The following RNF144A variants were observed in gnomAD, a reference collection of about 807,000 sequenced individuals.
RNF144A encodes the protein ring finger protein 144A, also known as E3 ubiquitin-protein ligase RNF144A.
RNF144A carries 11 observed loss-of-function variants against 38.7 expected under a neutral mutation model. That is an observed-to-expected ratio of 0.28 (90% CI 0.18 to 0.47). The LOEUF (loss-of-function observed/expected upper bound fraction) is 0.47, where lower values mean the gene tolerates loss of function less well. Ranked by LOEUF, RNF144A falls within the 20% of genes least tolerant of loss-of-function variation. RNF144A has a pLI of 0.99. For missense variants in RNF144A, 316 were observed against 377.2 expected, an observed-to-expected ratio of 0.84 and a Z score of 1.34; for synonymous variants, 149 against 143.9, an observed-to-expected ratio of 1.04 and a Z score of -0.25.
intron 3 of RNF144A, among the ~76,000 whole-genome samples, chr2:7,001,753 G>A (rs1444978892): frequency 6.6e-6 from 1 of 152,184 alleles, no homozygotes; most frequent in African/African-American, 2.4e-5. Flanking sequence ...TAATAAAAGT[G>A]ACTCTTAGTG....
At chr2:7,056,254 T>C (rs1420783394) in intron 6 of RNF144A, among the ~76,000 whole-genome samples, 1 of 152,174 alleles carries the variant, frequency 6.6e-6, no homozygotes, top group Non-Finnish European at 1.5e-5. Flanking sequence ...TTCGAAGGTC[T>C]CTCTATGCCA....
At chr2:7,062,697 A>C (rs982908820) in intron 6 of RNF144A, 2 of 152,194 alleles carry the variant, frequency 1.3e-5, no homozygotes, top group African/African-American at 4.8e-5. Flanking sequence ...CAGAGGAAAG[A>C]AAGCAGAGAC....
chr2:7,040,827 A>G lies in RNF144A; in HGVS notation c.*1067A>G. 2 of 985,458 alleles carry G rather than the reference A, an allele frequency of 2.0e-6. No homozygotes were observed. Among genetic ancestry groups the G allele is most frequent in the South Asian group, 4.7e-5 (1 of 21,288 alleles). The allele number at this position is 985,458 out of a possible 1,614,324, so 61.0% of individuals were successfully genotyped here. On this transcript the variant is annotated 3_prime_UTR_variant, in exon 9 of 9. Coordinates refer to ENST00000320892, the MANE Select transcript of RNF144A (RefSeq NM_014746.6). ...AATGTTCTAGTCATTTTGAGAAATC[A>G]TATATCTTACACAGTTCCAAGTCCT...
intron 3 of RNF144A, among the ~76,000 whole-genome samples, chr2:7,013,487 T>C (rs1246657187): frequency 6.6e-6 from 1 of 152,262 alleles, no homozygotes; most frequent in East Asian, 1.9e-4. Context: ...TGTAATATTA[T>C]ATATTGTTGC....
rs957626414 is a variant in RNF144A at position 7,027,724 on chromosome 2, A to G, written c.658-2402A>G. ...GAGTTCAATGGAACTTTTCTGAACA[A>G]TAGGAGGAAAGTATTCCCTATCACA... On this transcript the variant is annotated intron_variant, in intron 7 of 8. Coordinates refer to ENST00000320892, the MANE Select transcript of RNF144A (RefSeq NM_014746.6). Among the ~76,000 whole-genome samples the G allele has an allele frequency of 3.9e-5, 6 of 152,212 alleles. No individual in the cohort carries two copies. The East Asian group carries it at 1.2e-3, about 29-fold the overall frequency.
At chr2:6,942,127 G>A (rs917352359) in intron 2 of RNF144A, among the ~76,000 whole-genome samples, 1 of 152,238 alleles carries the variant, frequency 6.6e-6, no homozygotes. Flanking sequence ...AGATGGCAGA[G>A]GACAAGGCTA....
intron 3 of RNF144A, among the ~76,000 whole-genome samples, chr2:7,012,743 A>G (rs1463161092): frequency 1.3e-5 from 2 of 152,210 alleles, no homozygotes; most frequent in African/African-American, 2.4e-5. Context: ...AAGTCTTTGC[A>G]TTGGTTTTAA....
In RNF144A at chr2:7,039,834, C is replaced by T; in HGVS notation, c.*74C>T. The T allele has an allele frequency of 6.4e-7, 1 of 1,568,538 alleles. No individual in the cohort carries two copies. The highest frequency in any genetic ancestry group is 8.7e-7 in the Non-Finnish European group (1 of 1,155,396). ...TCCCCCAACCCTCCCCACCGTCCCC[C>T]CTTCACTAAACATCTTTCTTGCCTT... On this transcript the variant is annotated 3_prime_UTR_variant, in exon 9 of 9. Coordinates refer to ENST00000320892, the MANE Select transcript of RNF144A (RefSeq NM_014746.6).
intron 3 of RNF144A, among the ~76,000 whole-genome samples, chr2:7,012,643 G>A (rs187678703): frequency 7.9e-5 from 12 of 152,324 alleles, no homozygotes; most frequent in Non-Finnish European, 1.0e-4. Context: ...ACACGTCTGC[G>A]GATGGTTCCC....
intron 5 of RNF144A, among the ~76,000 whole-genome samples, chr2:7,019,997 C>T (rs1475239092): frequency 1.3e-5 from 2 of 152,232 alleles, no homozygotes; most frequent in African/African-American, 2.4e-5. Flanking sequence ...GGTCTTCTAG[C>T]AGCATTTTCC....
chr2:7,024,100 C>T (rs76942862), intron 6 of RNF144A, among the ~76,000 whole-genome samples: 3,197 of 152,274 alleles, frequency 0.021, 120 homozygotes, highest in African/African-American at 0.074. Context: ...TGTTTGTATA[C>T]ATATATCTCT....
At chr2:6,938,292 G>A (rs1665732248) in intron 1 of RNF144A, among the ~76,000 whole-genome samples, 1 of 128,280 alleles carries the variant, frequency 7.8e-6, no homozygotes, top group Non-Finnish European at 1.6e-5. Flanking sequence ...TTGTTGCCCA[G>A]GCTGGAGTGC....
At chr2:7,008,318 G>T (rs966806856) in intron 3 of RNF144A, among the ~76,000 whole-genome samples, 4 of 152,224 alleles carry the variant, frequency 2.6e-5, no homozygotes, top group Admixed American at 1.3e-4. Flanking sequence ...TTTGTAGACC[G>T]CAGTGTAGCT....
At chr2:6,935,533 G>A (rs1047469670) in intron 1 of RNF144A, among the ~76,000 whole-genome samples, 5 of 152,192 alleles carry the variant, frequency 3.3e-5, no homozygotes, top group Middle Eastern at 3.2e-3. Context: ...GCCCGGGTGA[G>A]CTCATTTGGC....
chr2:7,060,431 G>T (rs1163646229), intron 6 of RNF144A, among the ~76,000 whole-genome samples: 1 of 152,166 alleles, frequency 6.6e-6, no homozygotes, highest in African/African-American at 2.4e-5. Context: ...GGCACACGAT[G>T]ACCTGCAGGG....
intron 3 of RNF144A, among the ~76,000 whole-genome samples, chr2:7,012,826 C>A (rs1423758908): frequency 6.6e-6 from 1 of 152,214 alleles, no homozygotes; most frequent in Non-Finnish European, 1.5e-5. Flanking sequence ...TCCATACTCA[C>A]TACTCTGGGA....
At chr2:6,939,636 C>T (rs1052193547) in intron 1 of RNF144A, among the ~76,000 whole-genome samples, 1 of 152,026 alleles carries the variant, frequency 6.6e-6, no homozygotes, top group African/African-American at 2.4e-5. Flanking sequence ...ATTTAAGAAA[C>T]CATTTCTTCA....
rs185587736 is a variant in RNF144A, at chr2:6,986,289, C to T, written c.-11-10627C>T. ...AAGCTTTCGGAGGCCCATTTCCACC[C>T]GATTTCCTCCTCCCTACTCTGTTAC... is the stretch of plus-strand genomic sequence containing the variant. On this transcript the variant is annotated intron_variant, in intron 2 of 8. Transcript: ENST00000320892. Among the ~76,000 whole-genome samples the T allele has an allele frequency of 3.4e-4, 52 of 152,134 alleles. 1 individual carries two copies. Among genetic ancestry groups the T allele is most frequent in the East Asian group, 1.9e-4 (1 of 5,176 alleles).
intron 2 of RNF144A, among the ~76,000 whole-genome samples, chr2:6,950,431 C>T (rs1050199242): frequency 6.6e-6 from 1 of 152,306 alleles, no homozygotes; most frequent in South Asian, 2.1e-4. Flanking sequence ...CATGCATTCT[C>T]CTGCCATTGG....
Sources: gnomAD v4.1 joint callset for allele counts (sites outside exome capture counted in the v4.1 genomes callset) on GRCh38, gnomAD v4.1.1 for gene constraint, MANE v1.5 for transcripts, NCBI Gene and HGNC (gene_info 2026-07-23, HGNC 2026-07-21) for gene names.